Variants in KMT5B observed in about 807,000 individuals in gnomAD.
KMT5B encodes the protein lysine methyltransferase 5B.
KMT5B carries 10 observed loss-of-function variants against 83.2 expected under a neutral mutation model. The observed-to-expected ratio is 0.12, with a 90% CI of 0.07 to 0.20. KMT5B has a LOEUF of 0.20. Among genes scored for constraint, KMT5B ranks in the 10% least tolerant of loss-of-function variants. The probability of loss-of-function intolerance (pLI) is 1.00; values close to 1 mark genes in which losing one functional copy is unlikely to be tolerated. For synonymous variants in KMT5B, 349 were observed against 388.8 expected (o/e 0.90, Z 1.20); for missense variants, 753 against 1,067.2 (o/e 0.71, Z 4.10).
chr11:68,171,285 T>C lies in KMT5B; in HGVS notation c.821-34A>G. On this transcript the variant is annotated intron_variant, in intron 7 of 10. Transcript: ENST00000304363. This position sits in a 1 kb window ranked among gnomAD's most constrained non-coding sequence, Gnocchi z 5.1. ...TGTCCAAAAGATAAAGTCAATTAAC[T>C]GTTGATAAGATCTGAAACACGAACA... 6.2e-7 allele frequency: 1 copy of C among 1,606,436 alleles called. No individual in the cohort carries two copies. Among genetic ancestry groups the C allele is most frequent in the East Asian group, 2.2e-5 (1 of 44,810 alleles).
In KMT5B at chr11:68,182,379, T is replaced by G. The variant is rs147381191; in HGVS notation, c.309-2179A>C. ...AAGCTACTGAATCAGAGCCTGCATT[T>G]CAACAAACTCCCAGGTGACTCTCAT... On this transcript the variant is annotated intron_variant, in intron 3 of 10. Transcript: ENST00000304363. Among the ~76,000 whole-genome samples the G allele has an allele frequency of 9.7e-4, 147 of 152,328 alleles. 1 individual carries two copies. The highest frequency in any genetic ancestry group is 4.8e-3 in the Admixed American group (73 of 15,306).
At chr11:68,206,798 T>G (rs1030660184) in intron 1 of KMT5B, among the ~76,000 whole-genome samples, 1 of 150,958 alleles carries the variant, frequency 6.6e-6, no homozygotes, top group African/African-American at 2.4e-5. Flanking sequence ...AACTCACACA[T>G]GAAAAAAAAA....
chr11:68,180,086 G>C, intron 4 of KMT5B, 46 bp downstream of exon 4: 1 of 1,538,604 alleles, frequency 6.5e-7, no homozygotes. Context: ...TAAAAGGCTA[G>C]AATGGGTTAG....
At chr11:68,179,765 C>T in intron 4 of KMT5B, 1 of 581,188 alleles carries the variant, frequency 1.7e-6, no homozygotes, top group Non-Finnish European at 2.5e-6. Flanking sequence ...GAAAGTTTAG[C>T]TGCAAATCCA....
chr11:68,165,617 G>T, intron 10 of KMT5B: 2 of 697,068 alleles, frequency 2.9e-6, no homozygotes, highest in African/African-American at 1.9e-5. Context: ...GGCTACAGGT[G>T]TGCCACCATG....
At chr11:68,189,860 A>G (rs1857851992) in intron 2 of KMT5B, 57 bp downstream of exon 2, 2 of 1,514,436 alleles carry the variant, frequency 1.3e-6, no homozygotes, top group Non-Finnish European at 1.8e-6. Flanking sequence ...TACAAACTGG[A>G]AAGAATTACT....
At chr11:68,166,549 A>G (rs912742945) in intron 10 of KMT5B, 8 of 1,008,932 alleles carry the variant, frequency 7.9e-6, no homozygotes, top group Non-Finnish European at 9.5e-6. Flanking sequence ...GGAAGCCTTA[A>G]GGCCAGAAGC....
intron 9 of KMT5B, among the ~76,000 whole-genome samples, chr11:68,167,857 G>C (rs1855461901): frequency 6.6e-6 from 1 of 152,012 alleles, no homozygotes; most frequent in Non-Finnish European, 1.5e-5. Flanking sequence ...CCTCATCAAC[G>C]GTACATTGTA....
At chr11:68,198,501 G>A (rs1350607931) in intron 1 of KMT5B, among the ~76,000 whole-genome samples, 1 of 150,940 alleles carries the variant, frequency 6.6e-6, no homozygotes, top group African/African-American at 2.4e-5. Context: ...ACAAGACAGG[G>A]CGGCTAGCAA....
rs1302070236 is a variant in KMT5B, at chr11:68,180,183, C to G, written c.326G>C (p.Ser109Thr). Residue 109 changes from serine to threonine, a missense_variant, in exon 4 of 11, where the codon AGC becomes ACC. Physicochemically the swap from Ser to Thr is moderately conservative, Grantham distance 58. Transcript: ENST00000304363. The part of the protein sequence containing the change: ...KMNTSAFPSR[S>T]SRHFSKSDSF... ...GTCAGATTTTGAAAAATGCCTTGAGCTCCTCGAAGGAAAGGCGCTATATAA... is the reference window on the plus strand; with the variant it reads ...GTCAGATTTTGAAAAATGCCTTGAGGTCCTCGAAGGAAAGGCGCTATATAA... 6 of 1,566,762 alleles carry G rather than the reference C, an allele frequency of 3.8e-6. No homozygotes were observed. Among genetic ancestry groups the G allele is most frequent in the Non-Finnish European group, 5.3e-6 (6 of 1,141,392 alleles).
chr11:68,167,356 T>C lies in KMT5B; in HGVS notation c.978-178A>G, dbSNP rs1486338595. The stretch of plus-strand genomic sequence containing the variant: ...AAATTAAGTATCTATATTATAAAAT[T>C]AACTTTAAATCTATATTTAAAATAA... On this transcript the variant is annotated intron_variant, in intron 9 of 10. Coordinates refer to ENST00000304363, the MANE Select transcript of KMT5B (RefSeq NM_017635.5). 2.0e-5 allele frequency among the ~76,000 whole-genome samples: 3 copies of C among 152,128 alleles called. No homozygotes were observed. The East Asian group carries it at 5.8e-4, about 29-fold the overall frequency.
At chr11:68,197,953 T>C (rs535230548) in intron 1 of KMT5B, among the ~76,000 whole-genome samples, 10 of 152,316 alleles carry the variant, frequency 6.6e-5, no homozygotes, top group African/African-American at 2.2e-4. Flanking sequence ...TGAATATATA[T>C]TGTACTAATG....
intron 3 of KMT5B, 22 bp from the exon 4 acceptor site, chr11:68,180,222 C>T (rs745996124): frequency 1.9e-6 from 3 of 1,553,824 alleles, no homozygotes; most frequent in Non-Finnish European, 2.6e-6. Flanking sequence ...CAAAAACAAA[C>T]AACAAAAATA....
Position 68,157,678 on chromosome 11 carries a change from G to C in KMT5B, c.*10C>G, listed in dbSNP as rs1859397793. Reference sequence around the variant, plus strand: ...AAGTAGTTATCCCAGGTCAAGTTAAGACCAAGAGCTTAGGCATTAAGCCTT... The same window carrying C: ...AAGTAGTTATCCCAGGTCAAGTTAACACCAAGAGCTTAGGCATTAAGCCTT... On this transcript the variant is annotated 3_prime_UTR_variant, in exon 11 of 11. Coordinates refer to ENST00000304363, the MANE Select transcript of KMT5B (RefSeq NM_017635.5). The C allele has an allele frequency of 6.5e-7, 1 of 1,533,862 alleles. No individual in the cohort carries two copies. The highest frequency in any genetic ancestry group is 1.4e-5 in the African/African-American group (1 of 72,024).
chr11:68,178,419 C>G (rs1856584754), intron 4 of KMT5B, among the ~76,000 whole-genome samples: 1 of 152,128 alleles, frequency 6.6e-6, no homozygotes, highest in South Asian at 2.1e-4. Flanking sequence ...TTCTGCCTAC[C>G]TTCCCTGTGT....
chr11:68,167,416 A>T (rs1855413928), intron 9 of KMT5B, among the ~76,000 whole-genome samples: 1 of 151,274 alleles, frequency 6.6e-6, no homozygotes, highest in Non-Finnish European at 1.5e-5. Flanking sequence ...TCAATCATTA[A>T]TTGCCTATGA....
intron 3 of KMT5B, among the ~76,000 whole-genome samples, chr11:68,181,420 A>T (rs1322019414): frequency 6.6e-6 from 1 of 152,206 alleles, no homozygotes; most frequent in Non-Finnish European, 1.5e-5. Flanking sequence ...AGACTGAAAG[A>T]AGTAAAAGGA....
intron 1 of KMT5B, among the ~76,000 whole-genome samples, chr11:68,196,237 T>G (rs915990396): frequency 6.6e-6 from 1 of 152,074 alleles, no homozygotes; most frequent in Non-Finnish European, 1.5e-5. Context: ...TCTGTCTGCC[T>G]GGAATGTTAT....
chr11:68,209,712 T>C (rs1442814617), intron 1 of KMT5B, among the ~76,000 whole-genome samples: 1 of 152,210 alleles, frequency 6.6e-6, no homozygotes, highest in East Asian at 1.9e-4. Flanking sequence ...ATTGCTTTCC[T>C]AAACTCAAAG....
Sources: gnomAD v4.1 joint callset for allele counts (sites outside exome capture counted in the v4.1 genomes callset) on GRCh38, gnomAD v4.1.1 for gene constraint, Gnocchi (gnomAD v3.1) non-coding constraint, MANE v1.5 for transcripts, NCBI Gene and HGNC (gene_info 2026-07-23, HGNC 2026-07-21) for gene names.